GOSR1: variants seen among roughly 807,000 people sequenced by gnomAD.
GOSR1 encodes the protein golgi SNAP receptor complex member 1.
In GOSR1, 21 loss-of-function variants were observed where a neutral mutation model predicts 35.5. That is an observed-to-expected ratio of 0.59 (90% CI 0.42 to 0.85). GOSR1 has a LOEUF of 0.85. Among genes scored for constraint, GOSR1 ranks in the 40% least tolerant of loss-of-function variants. The pLI is 0.00. For missense variants in GOSR1, 285 were observed against 309.6 expected (o/e 0.92, Z 0.60); for synonymous variants, 94 against 106.6 (o/e 0.88, Z 0.73).
At chr17:30,491,931 ATAT>A (rs901225416) in intron 5 of GOSR1, among the ~76,000 whole-genome samples, 5 of 152,080 alleles carry the variant, frequency 3.3e-5, no homozygotes, top group African/African-American at 1.2e-4. Context: ...GTTCTTGGTT[ATAT>A]TATTCTGCTT....
chr17:30,520,185 C>T, intron 8 of GOSR1, 164 bp downstream of exon 8: 1 of 506,744 alleles, frequency 2.0e-6, no homozygotes, highest in Non-Finnish European at 3.6e-6. Context: ...AAAGTTTATG[C>T]TCTTTAGTAC....
At chr17:30,505,087 T>G (rs561148397) in intron 6 of GOSR1, among the ~76,000 whole-genome samples, 3 of 152,372 alleles carry the variant, frequency 2.0e-5, no homozygotes, top group African/African-American at 7.2e-5. Flanking sequence ...TTTAAATGCT[T>G]CTTCACAGTT....
At chr17:30,483,037 G>A (rs1023435500) in intron 2 of GOSR1, 3 of 151,922 alleles carry the variant, frequency 2.0e-5, no homozygotes, top group Admixed American at 6.6e-5. Flanking sequence ...CTATTCTAAA[G>A]TGTCTTGTTT....
chr17:30,479,926 G>A (rs1914226408), intron 1 of GOSR1: 1 of 152,124 alleles, frequency 6.6e-6, no homozygotes, highest in African/African-American at 2.4e-5. Flanking sequence ...AGAGCAGCCT[G>A]GGCAACATTG....
rs976420721 is a variant in GOSR1, at chr17:30,524,426, CTG to C, written c.*2050_*2051del. 6.6e-6 allele frequency: 1 copy of C among 152,096 alleles called. No individual in the cohort carries two copies. The highest frequency in any genetic ancestry group is 2.4e-5 in the African/African-American group (1 of 41,366). The allele number at this position is 152,096 out of a possible 1,614,324, so 9.4% of individuals were successfully genotyped here. A position where few individuals can be genotyped will look rare whatever the true frequency, so the allele number is the denominator to read the frequency against. On this transcript the variant is annotated 3_prime_UTR_variant, in exon 9 of 9. Coordinates refer to ENST00000451249, the MANE Select transcript of GOSR1 (RefSeq NM_001007025.2). Reference sequence around the variant, plus strand: ...TTGAGGTTGTCTGAAATGGAGATCACTGTAAAACTGTCTTTTTCTTTTAAATT... The same window carrying C: ...TTGAGGTTGTCTGAAATGGAGATCACTAAAACTGTCTTTTTCTTTTAAATT...
At chr17:30,521,682 T>C (rs557294128) in intron 8 of GOSR1, among the ~76,000 whole-genome samples, 1 of 152,292 alleles carries the variant, frequency 6.6e-6, no homozygotes, top group East Asian at 1.9e-4. Flanking sequence ...GAAGTAACTT[T>C]GAAAATATTA....
chr17:30,501,429 C>A (rs980592212), intron 6 of GOSR1, among the ~76,000 whole-genome samples: 1 of 152,066 alleles, frequency 6.6e-6, no homozygotes, highest in African/African-American at 2.4e-5. Context: ...GGAACTCTCA[C>A]TCATTGCTGG....
intron 6 of GOSR1, among the ~76,000 whole-genome samples, chr17:30,498,098 TATTAGTC>T (rs988284520): frequency 3.6e-4 from 55 of 152,028 alleles, no homozygotes; most frequent in Middle Eastern, 3.4e-3. Flanking sequence ...AAATTACTCT[TATTAGTC>T]ATTAGTCTTA....
chr17:30,484,704 T>C lies in GOSR1; in HGVS notation c.276T>C (p.Ser92=). The C allele has an allele frequency of 6.3e-7, 1 of 1,595,126 alleles. No individual in the cohort carries two copies. The highest frequency in any genetic ancestry group is 8.6e-7 in the Non-Finnish European group (1 of 1,166,218). The part of the protein sequence containing the change: ...VNDKMAEYTN[S]AGVPSLNAAL... The stretch of plus-strand genomic sequence containing the variant: ...ATAAAATGGCAGAATATACCAACAG[T>C]GCAGGTGTCCCCTCCTTGAATGCAG... Residue 92 remains serine (S), a synonymous_variant, in exon 4 of 9, where the codon AGT becomes AGC. Coordinates refer to ENST00000451249, the MANE Select transcript of GOSR1 (RefSeq NM_001007025.2).
intron 7 of GOSR1, among the ~76,000 whole-genome samples, chr17:30,513,489 A>G (rs1967687889): frequency 6.6e-6 from 1 of 152,198 alleles, no homozygotes; most frequent in Non-Finnish European, 1.5e-5. Context: ...AAGTATGTCT[A>G]GATATACTTT....
In GOSR1 at chr17:30,508,747, C is replaced by G. The variant is rs558428300; in HGVS notation, c.510-2133C>G. On this transcript the variant is annotated intron_variant, in intron 6 of 8. Coordinates refer to ENST00000451249, the MANE Select transcript of GOSR1 (RefSeq NM_001007025.2). ...AATAGCAAAAAATACTTGACACTTA[C>G]TGTGTGCCAGGTACTGATCCAATCA... Among the ~76,000 whole-genome samples, 59 of 152,234 alleles carry G rather than the reference C, an allele frequency of 3.9e-4. No homozygotes were observed. The South Asian group carries it at 0.012, about 31-fold the overall frequency.
At chr17:30,491,409 A>G (rs914944546) in intron 5 of GOSR1, among the ~76,000 whole-genome samples, 1 of 152,226 alleles carries the variant, frequency 6.6e-6, no homozygotes, top group African/African-American at 2.4e-5. Flanking sequence ...CTGTAATCCC[A>G]GCACTTTGGG....
intron 6 of GOSR1, among the ~76,000 whole-genome samples, chr17:30,504,527 G>A (rs1160159789): frequency 6.6e-6 from 1 of 152,138 alleles, no homozygotes; most frequent in Non-Finnish European, 1.5e-5. Context: ...GAAATAAGTG[G>A]GGGGCGTAAG....
chr17:30,480,950 G>C, intron 1 of GOSR1, 193 bp from the exon 2 acceptor site: 1 of 441,254 alleles, frequency 2.3e-6, no homozygotes, highest in Admixed American at 3.4e-5. Flanking sequence ...GACCTCAGGT[G>C]ATCCGCCCAC....
In GOSR1 at chr17:30,522,602, A is replaced by G. The variant is rs2143951908; in HGVS notation, c.*224A>G. 2.9e-6 allele frequency: 1 copy of G among 340,190 alleles called. No individual in the cohort carries two copies. Among genetic ancestry groups the G allele is most frequent in the Middle Eastern group, 7.9e-4 (1 of 1,268 alleles). 21.1% of individuals were successfully genotyped at this position (340,190 alleles called of 1,614,324 possible). ...TTTTTCTGTTTTTAATTAAAAAAAA[A>G]AAAAAAAGGTTTTCAGTTGCTTTTG... On this transcript the variant is annotated 3_prime_UTR_variant, in exon 9 of 9. Transcript: ENST00000451249.
chr17:30,494,192 A>AC (rs1966905362), intron 6 of GOSR1, among the ~76,000 whole-genome samples: 1 of 150,414 alleles, frequency 6.6e-6, no homozygotes, highest in African/African-American at 2.4e-5. Context: ...GCCATACTTA[A>AC]ACACACACAC....
At position 30,481,228 on chromosome 17, in the gene GOSR1, TAGC is replaced by T. The variant is rs1567895045; in HGVS notation, c.120_122del (p.Ser41del). Reference sequence around the variant, plus strand: ...GCAAACTATGTACAAGTTACAGTCATAGCAGTACCCGAGATGGAAGACGCGACA... The same window carrying T: ...GCAAACTATGTACAAGTTACAGTCATAGTACCCGAGATGGAAGACGCGACA... On this transcript the variant is annotated inframe_deletion, in exon 2 of 9. Transcript: ENST00000451249. 3.1e-6 allele frequency: 5 copies of T among 1,606,450 alleles called. No homozygotes were observed. The highest frequency in any genetic ancestry group is 4.3e-6 in the Non-Finnish European group (5 of 1,173,020).
chr17:30,519,683 TTTTG>T (rs1208578789), intron 7 of GOSR1: 3 of 326,924 alleles, frequency 9.2e-6, no homozygotes, highest in African/African-American at 4.3e-5. Context: ...TTATGCCTTA[TTTTG>T]TTTGTTATTT....
At chr17:30,497,999 A>G (rs1173497013) in intron 6 of GOSR1, among the ~76,000 whole-genome samples, 1 of 149,770 alleles carries the variant, frequency 6.7e-6, no homozygotes, top group African/African-American at 2.5e-5. Context: ...CAGAAGTTGC[A>G]GTGAGCTGAG....
Sources: allele counts gnomAD v4.1 joint callset (sites outside exome capture counted in the v4.1 genomes callset), GRCh38; gene constraint gnomAD v4.1.1; transcripts MANE v1.5; gene names NCBI Gene and HGNC (gene_info 2026-07-23, HGNC 2026-07-21).